Variants in SAMD5 observed in about 807,000 individuals in gnomAD.
SAMD5 encodes sterile alpha motif domain containing 5.
SAMD5 carries 13 observed loss-of-function variants against 11.3 expected under a neutral mutation model. The observed-to-expected ratio is 1.15, with a 90% confidence interval of 0.75 to 1.83. The LOEUF (loss-of-function observed/expected upper bound fraction) is 1.83, where lower values mean the gene tolerates loss of function less well. Ranked by LOEUF, SAMD5 falls within the 40% of genes most tolerant of loss-of-function variation. The probability of loss-of-function intolerance (pLI) is 0.00; values close to 1 mark genes in which losing one functional copy is unlikely to be tolerated. For synonymous variants in SAMD5, 129 were observed against 111.3 expected (o/e 1.16, Z -1.00); for missense variants, 255 against 239.1 (o/e 1.07, Z -0.44).
chr6:147,896,694 GT>G, the SAMD5 span, among the ~76,000 whole-genome samples: 2 of 103,126 alleles, frequency 1.9e-5, no homozygotes, highest in Non-Finnish European at 1.7e-5. Context: ...TACTGTGGGA[GT>G]TTTTTTAAAA....
chr6:147,596,872 C>T (rs1029780150), intron 1 of SAMD5, among the ~76,000 whole-genome samples: 6 of 152,180 alleles, frequency 3.9e-5, no homozygotes, highest in African/African-American at 1.4e-4. Context: ...GTTGCACCAG[C>T]TGATGGTGAT....
chr6:147,730,706 A>G (rs1791701105), intron 1 of SAMD5, among the ~76,000 whole-genome samples: 1 of 152,198 alleles, frequency 6.6e-6, no homozygotes. Flanking sequence ...CTGAGCCCTA[A>G]GACATTCCAA....
chr6:147,939,706 C>T, the SAMD5 span, among the ~76,000 whole-genome samples: 61 of 152,278 alleles, frequency 4.0e-4, 1 homozygote, highest in East Asian at 4.1e-3. Flanking sequence ...ACCAAGCAAT[C>T]GGTAGTTCCA....
chr6:147,559,939 A>C (rs1788921689), intron 1 of SAMD5, among the ~76,000 whole-genome samples: 1 of 152,208 alleles, frequency 6.6e-6, no homozygotes, highest in Non-Finnish European at 1.5e-5. Context: ...AGATGCTTAG[A>C]GGAAAGATGA....
rs552867263 is a variant in SAMD5 at position 147,681,039 on chromosome 6, A to G, written c.163-56278A>G. Among the ~76,000 whole-genome samples, 3 of 152,116 alleles carry G rather than the reference A, an allele frequency of 2.0e-5. No individual in the cohort carries two copies. The South Asian group carries it at 6.2e-4, about 32-fold the overall frequency. On this transcript the variant is annotated intron_variant, in intron 1 of 1. Coordinates refer to the SAMD5 transcript ENST00000566741. ...GAATTTGGAAATATTCCTGTCTCTA[A>G]TTTTCTGGAACATCTGTATAAAATT...
chr6:147,665,965 G>GTC (rs1011458434), intron 1 of SAMD5, among the ~76,000 whole-genome samples: 1 of 152,134 alleles, frequency 6.6e-6, no homozygotes, highest in Non-Finnish European at 1.5e-5. Context: ...TTGAGACAGG[G>GTC]TCTCACTCTG....
intron 1 of SAMD5, among the ~76,000 whole-genome samples, chr6:147,645,192 C>T (rs1258116813): frequency 6.6e-6 from 1 of 152,146 alleles, no homozygotes; most frequent in African/African-American, 2.4e-5. Context: ...TGAAGAAATG[C>T]CACTAGCAGT....
At chr6:147,704,929 G>A (rs1352010236) in intron 1 of SAMD5, among the ~76,000 whole-genome samples, 1 of 152,184 alleles carries the variant, frequency 6.6e-6, no homozygotes, top group Non-Finnish European at 1.5e-5. Flanking sequence ...TCCCCAGGGG[G>A]CATCTGGTAT....
Position 147,578,597 on chromosome 6 carries a change from A to G in SAMD5, c.162+69210A>G, listed in dbSNP as rs557634037. 1.1e-4 allele frequency among the ~76,000 whole-genome samples: 16 copies of G among 152,290 alleles called. No individual in the cohort carries two copies. The South Asian group carries it at 3.3e-3, about 32-fold the overall frequency. ...CAGAAAACAATTAATTTTCCCTTTA[A>G]TGGTTAAATTGATTATAGTAGACAT... On this transcript the variant is annotated intron_variant, in intron 1 of 1. Transcript: ENST00000566741.
chr6:147,585,993 A>C (rs1425638593), intron 1 of SAMD5, among the ~76,000 whole-genome samples: 2 of 152,178 alleles, frequency 1.3e-5, no homozygotes, highest in African/African-American at 4.8e-5. Context: ...TCATGACAGA[A>C]AAAAATGGGT....
chr6:147,819,575 C>A, the SAMD5 span, among the ~76,000 whole-genome samples: 1 of 152,166 alleles, frequency 6.6e-6, no homozygotes, highest in African/African-American at 2.4e-5. Flanking sequence ...AAAGAGTTTG[C>A]AAATTCCCAA....
At chr6:147,881,295 G>A in the SAMD5 span, among the ~76,000 whole-genome samples, 1 of 152,124 alleles carries the variant, frequency 6.6e-6, no homozygotes, top group Non-Finnish European at 1.5e-5. Flanking sequence ...ATTATTTAGG[G>A]CTAACTTAGG....
chr6:147,518,914 G>T (rs1477473384), intron 1 of SAMD5, among the ~76,000 whole-genome samples: 2 of 152,138 alleles, frequency 1.3e-5, no homozygotes, highest in Non-Finnish European at 2.9e-5. Flanking sequence ...ACTACTAAGG[G>T]CCAATGACTG....
At chr6:147,629,948 C>CT (rs770484060) in intron 1 of SAMD5, among the ~76,000 whole-genome samples, 1,333 of 123,212 alleles carry the variant, frequency 0.011, 26 homozygotes, top group African/African-American at 0.033. Context: ...GTTTTCTTTT[C>CT]TTTTTTTTTT....
chr6:147,658,399 C>T (rs997755425), intron 1 of SAMD5, among the ~76,000 whole-genome samples: 2 of 152,046 alleles, frequency 1.3e-5, no homozygotes, highest in African/African-American at 4.8e-5. Context: ...TCTTTTCCCA[C>T]AAGATGATGG....
the SAMD5 span, among the ~76,000 whole-genome samples, chr6:147,804,795 T>C: frequency 6.6e-6 from 1 of 152,242 alleles, no homozygotes; most frequent in Non-Finnish European, 1.5e-5. Flanking sequence ...GATATTAAGC[T>C]GCTTTGCCAG....
At chr6:147,712,086 A>G (rs1791408740) in intron 1 of SAMD5, among the ~76,000 whole-genome samples, 1 of 152,252 alleles carries the variant, frequency 6.6e-6, no homozygotes, top group South Asian at 2.1e-4. Context: ...TTTAAAAATA[A>G]TAGTTATTAA....
chr6:147,820,323 A>G, the SAMD5 span, among the ~76,000 whole-genome samples: 1 of 152,228 alleles, frequency 6.6e-6, no homozygotes, highest in Non-Finnish European at 1.5e-5. Context: ...TAAAAATTAA[A>G]TGATGATATC....
rs1562323432 is a variant in SAMD5 at position 147,569,886 on chromosome 6, T to C, written c.*5430T>C. ...CTTTTCCCTTTCAGTTATTATTTTT[T>C]TTAAAGGACGTTATGAGAAGGCACT... On this transcript the variant is annotated 3_prime_UTR_variant, in exon 2 of 2. Transcript: ENST00000367474. 1.0e-6 allele frequency: 1 copy of C among 985,242 alleles called. No individual in the cohort carries two copies. The highest frequency in any genetic ancestry group is 1.2e-6 in the Non-Finnish European group (1 of 829,858). 61.0% of individuals were successfully genotyped at this position (985,242 alleles called of 1,614,324 possible). A position where few individuals can be genotyped will look rare whatever the true frequency, so the allele number is the denominator to read the frequency against.
Sources: gnomAD v4.1 joint callset for allele counts (sites outside exome capture counted in the v4.1 genomes callset) on GRCh38, gnomAD v4.1.1 for gene constraint, MANE v1.5 for transcripts, NCBI Gene and HGNC (gene_info 2026-07-23, HGNC 2026-07-21) for gene names.